RYR2: variants seen among roughly 807,000 people sequenced by gnomAD.
The protein encoded by RYR2 is cardiac muscle ryanodine receptor-calcium release channel.
A neutral mutation model predicts 601.1 loss-of-function variants in RYR2; 227 were observed. The ratio of observed to expected loss-of-function variants is 0.38; its 90% CI spans 0.34 to 0.42. RYR2 has a LOEUF of 0.42. Ranked by LOEUF, RYR2 falls within the 10% of genes least tolerant of loss-of-function variation. The probability of loss-of-function intolerance (pLI) is 1.00; values close to 1 mark genes in which losing one functional copy is unlikely to be tolerated. For missense variants in RYR2, 4,646 were observed against 6,156.5 expected, an observed-to-expected ratio of 0.75 and a Z score of 8.21; for synonymous variants, 2,223 against 2,175.1, an observed-to-expected ratio of 1.02 and a Z score of -0.61.
chr1:237,046,875 A>G (rs756423748), intron 1 of RYR2, among the ~76,000 whole-genome samples: 1 of 152,224 alleles, frequency 6.6e-6, no homozygotes, highest in Non-Finnish European at 1.5e-5. Context: ...TATGCATAGC[A>G]TGTTAAGGAA....
At chr1:237,044,701 A>G (rs1217395757) in intron 1 of RYR2, among the ~76,000 whole-genome samples, 5 of 151,146 alleles carry the variant, frequency 3.3e-5, no homozygotes, top group African/African-American at 1.2e-4. Flanking sequence ...TTTCCTCACA[A>G]TTTTCCAATT....
intron 47 of RYR2, among the ~76,000 whole-genome samples, chr1:237,641,595 G>A (rs1185002292): frequency 6.7e-6 from 1 of 149,956 alleles, no homozygotes; most frequent in Non-Finnish European, 1.5e-5. Flanking sequence ...AGGCTAGAGT[G>A]CAGTGGCATG....
intron 39 of RYR2, among the ~76,000 whole-genome samples, chr1:237,625,219 CTG>C (rs1679524406): frequency 6.6e-6 from 1 of 152,100 alleles, no homozygotes; most frequent in Non-Finnish European, 1.5e-5. Context: ...CCTGTTCTCT[CTG>C]TTTCTCAACT....
At chr1:237,795,873 TAC>T (rs57000176) in intron 96 of RYR2, among the ~76,000 whole-genome samples, 2 of 140,910 alleles carry the variant, frequency 1.4e-5, no homozygotes, top group African/African-American at 5.4e-5. Flanking sequence ...TATATATATA[TAC>T]ACATATATAT....
chr1:237,803,461 C>G (rs915534464), intron 98 of RYR2, among the ~76,000 whole-genome samples: 1 of 152,122 alleles, frequency 6.6e-6, no homozygotes, highest in East Asian at 1.9e-4. Context: ...CCACCACGCC[C>G]GGCTAATTTT....
At chr1:237,611,475 T>C (rs1216010575) in intron 36 of RYR2, among the ~76,000 whole-genome samples, 3 of 152,144 alleles carry the variant, frequency 2.0e-5, no homozygotes, top group Non-Finnish European at 2.9e-5. Context: ...TCGAAACAAG[T>C]TTATATGCAT....
intron 99 of RYR2, among the ~76,000 whole-genome samples, chr1:237,808,306 G>A (rs1660864369): frequency 6.6e-6 from 1 of 152,046 alleles, no homozygotes; most frequent in Non-Finnish European, 1.5e-5. Context: ...ATAATTTACA[G>A]TCATAACAAA....
At chr1:237,185,208 C>G (rs1024276132) in intron 1 of RYR2, among the ~76,000 whole-genome samples, 2 of 152,004 alleles carry the variant, frequency 1.3e-5, no homozygotes, top group African/African-American at 4.8e-5. Context: ...CTATGTTGCC[C>G]AGGCTGGTCT....
intron 1 of RYR2, among the ~76,000 whole-genome samples, chr1:237,092,598 C>T (rs939648998): frequency 5.5e-5 from 8 of 145,232 alleles, no homozygotes; most frequent in Middle Eastern, 3.5e-3. Flanking sequence ...GGTGTGATTT[C>T]GGCTCACTGC....
At chr1:237,445,940 C>G (rs1708298322) in intron 14 of RYR2, among the ~76,000 whole-genome samples, 1 of 152,098 alleles carries the variant, frequency 6.6e-6, no homozygotes, top group Non-Finnish European at 1.5e-5. Context: ...CCTCAGCCTC[C>G]CGAGTAGCTA....
At chr1:237,353,798 A>G (rs1450549947) in intron 3 of RYR2, among the ~76,000 whole-genome samples, 1 of 152,188 alleles carries the variant, frequency 6.6e-6, no homozygotes, top group African/African-American at 2.4e-5. Flanking sequence ...TAAAATCCAC[A>G]TATATTTTTA....
chr1:237,301,375 T>TA (rs1309116404), intron 2 of RYR2, among the ~76,000 whole-genome samples: 1 of 152,136 alleles, frequency 6.6e-6, no homozygotes, highest in Non-Finnish European at 1.5e-5. Context: ...TTAAGAAAGA[T>TA]AAAAAAGTTG....
At chr1:237,705,999 C>G (rs187113132) in intron 67 of RYR2, among the ~76,000 whole-genome samples, 3 of 152,092 alleles carry the variant, frequency 2.0e-5, no homozygotes, top group African/African-American at 7.2e-5. Flanking sequence ...GCCTGTAATC[C>G]CAGCACTTTG....
chr1:237,724,186 TATATATATA>T (rs923087765), intron 74 of RYR2, among the ~76,000 whole-genome samples: 1 of 3,262 alleles, frequency 3.1e-4, no homozygotes, highest in African/African-American at 5.0e-4. Flanking sequence ...TGTGTGTGCA[TATATATATA>T]TATATATATA....
At chr1:237,313,870 T>C (rs1012474844) in intron 2 of RYR2, among the ~76,000 whole-genome samples, 1 of 151,990 alleles carries the variant, frequency 6.6e-6, no homozygotes, top group East Asian at 1.9e-4. Flanking sequence ...ACTCACTCAC[T>C]CACTTGCTGG....
At chr1:237,349,483 G>A (rs10925379) in intron 3 of RYR2, among the ~76,000 whole-genome samples, 1 of 152,018 alleles carries the variant, frequency 6.6e-6, no homozygotes, top group Non-Finnish European at 1.5e-5. Flanking sequence ...AAATGCAGGA[G>A]GGAAAGAAGA....
At chr1:237,680,314 AGGC>A in intron 61 of RYR2, 139 bp from the exon 62 acceptor site, 1 of 571,868 alleles carries the variant, frequency 1.7e-6, no homozygotes, top group Non-Finnish European at 3.1e-6. Flanking sequence ...GATTTAAGAG[AGGC>A]ATACTATGAC....
intron 1 of RYR2, among the ~76,000 whole-genome samples, chr1:237,244,218 T>C (rs1686530779): frequency 1.3e-5 from 2 of 152,214 alleles, no homozygotes; most frequent in Admixed American, 6.5e-5. Context: ...TTAAGGATGT[T>C]CGTGCACAAG....
intron 1 of RYR2, among the ~76,000 whole-genome samples, chr1:237,063,000 C>T (rs1663074911): frequency 6.6e-6 from 1 of 151,702 alleles, no homozygotes; most frequent in African/African-American, 2.4e-5. Context: ...TTTGTGCCTA[C>T]CCCCAAAATT....
Sources: allele counts gnomAD v4.1 joint callset (sites outside exome capture counted in the v4.1 genomes callset), GRCh38; gene constraint gnomAD v4.1.1; transcripts MANE v1.5; gene names NCBI Gene and HGNC (gene_info 2026-07-23, HGNC 2026-07-21).